The following FMO1 variants were observed in gnomAD, a reference collection of about 807,000 sequenced individuals.
FMO1 encodes flavin-containing monooxygenase 1.
FMO1 carries 36 observed loss-of-function variants against 45.4 expected under a neutral mutation model. That is an observed-to-expected ratio of 0.79 (90% CI 0.61 to 1.05). The LOEUF (loss-of-function observed/expected upper bound fraction) is 1.05. Ranked by LOEUF, FMO1 falls within the 50% of genes least tolerant of loss-of-function variation. The pLI is 0.00. For missense variants in FMO1, 615 were observed against 640.3 expected (o/e 0.96, Z 0.43); for synonymous variants, 228 against 227.2 (o/e 1.00, Z -0.03).
At chr1:171,278,618 TA>T in intron 4 of FMO1, 110 bp from the exon 5 acceptor site, 1 of 834,760 alleles carries the variant, frequency 1.2e-6, no homozygotes, top group Non-Finnish European at 1.8e-6. Flanking sequence ...AGAATACTAG[TA>T]AAAATGACCA....
intron 3 of FMO1, chr1:171,271,154 T>C: frequency 1.1e-6 from 1 of 873,560 alleles, no homozygotes; most frequent in East Asian, 2.4e-5. Context: ...GCAGCCTTCT[T>C]TTCACAAGGC....
chr1:171,281,860 CA>C, intron 6 of FMO1, 117 bp from the exon 7 acceptor site: 1 of 611,034 alleles, frequency 1.6e-6, no homozygotes, highest in Non-Finnish European at 2.9e-6. Context: ...CCAAGACTTG[CA>C]GCAATTCTTG....
chr1:171,273,882 A>G (rs1660979948), intron 3 of FMO1, among the ~76,000 whole-genome samples: 1 of 152,132 alleles, frequency 6.6e-6, no homozygotes, highest in Non-Finnish European at 1.5e-5. Flanking sequence ...AAGTAAACAC[A>G]AGGCCAGGTG....
At chr1:171,262,816 C>G (rs1389434127) in intron 2 of FMO1, among the ~76,000 whole-genome samples, 2 of 152,172 alleles carry the variant, frequency 1.3e-5, no homozygotes, top group Non-Finnish European at 2.9e-5. Flanking sequence ...CAAATTTCCT[C>G]TGAGGTTTCC....
intron 4 of FMO1, among the ~76,000 whole-genome samples, 193 bp from the exon 5 acceptor site, chr1:171,278,536 A>G (rs1320985218): frequency 6.6e-6 from 1 of 152,190 alleles, no homozygotes; most frequent in African/African-American, 2.4e-5. Flanking sequence ...AGTGAGATGG[A>G]GTAATAACCC....
intron 5 of FMO1, 106 bp downstream of exon 5, chr1:171,278,977 A>G: frequency 1.1e-6 from 1 of 870,814 alleles, no homozygotes; most frequent in South Asian, 4.4e-5. Context: ...AATGTCTCAC[A>G]TGCAAACAAC....
At chr1:171,281,092 G>C in intron 6 of FMO1, 107 bp downstream of exon 6, 1 of 838,968 alleles carries the variant, frequency 1.2e-6, no homozygotes, top group Non-Finnish European at 1.9e-6. Flanking sequence ...GAATGTGTGG[G>C]AACACTTGAT....
At chr1:171,273,496 G>T (rs1417723726) in intron 3 of FMO1, among the ~76,000 whole-genome samples, 2 of 151,890 alleles carry the variant, frequency 1.3e-5, no homozygotes, top group East Asian at 3.9e-4. Context: ...ACCACATGCT[G>T]CCCAAGACCT....
At chr1:171,260,396 G>A (rs1660326019) in intron 2 of FMO1, among the ~76,000 whole-genome samples, 1 of 152,170 alleles carries the variant, frequency 6.6e-6, no homozygotes, top group South Asian at 2.1e-4. Flanking sequence ...CAGGAAAAGG[G>A]AGGAGTGGAA....
At chr1:171,266,488 C>T (rs933231313) in intron 2 of FMO1, among the ~76,000 whole-genome samples, 6 of 152,172 alleles carry the variant, frequency 3.9e-5, no homozygotes, top group African/African-American at 1.2e-4. Flanking sequence ...GGGCCACAGA[C>T]AAGCAGGTTG....
chr1:171,284,376 C>T (rs1661529370), intron 8 of FMO1, among the ~76,000 whole-genome samples: 1 of 152,048 alleles, frequency 6.6e-6, no homozygotes, highest in African/African-American at 2.4e-5. Flanking sequence ...CATTATGGAA[C>T]TCCAGTGTAA....
intron 1 of FMO1, among the ~76,000 whole-genome samples, chr1:171,250,073 A>G (rs28384822): frequency 0.016 from 2,512 of 152,310 alleles, 38 homozygotes; most frequent in Middle Eastern, 0.044. Flanking sequence ...ATAACTATTT[A>G]TGTTCTAACA....
At chr1:171,259,520 C>T (rs1045841147) in intron 2 of FMO1, among the ~76,000 whole-genome samples, 1 of 152,224 alleles carries the variant, frequency 6.6e-6, no homozygotes, top group Non-Finnish European at 1.5e-5. Flanking sequence ...CCCTAGGGAG[C>T]CTCAGAATCC....
chr1:171,265,601 G>A (rs1660587006), intron 2 of FMO1, among the ~76,000 whole-genome samples: 1 of 152,010 alleles, frequency 6.6e-6, no homozygotes. Context: ...GGGTACATAG[G>A]CAATTGACAC....
rs753467526 is a variant in FMO1, at chr1:171,283,200, G to A, written c.1240G>A (p.Glu414Lys). The change falls in exon 8 of 9, where the codon GAA (glutamate) becomes AAA (lysine). Residue 414 changes from glutamate (E) to lysine (K), a missense_variant. Physicochemically the swap from Glu to Lys is moderately conservative, Grantham distance 56 (BLOSUM62 1). Transcript: ENST00000617670. ...VMIEEINARK[E>K]NKPSWFGLCY... ...GATAGAGGAAATTAATGCAAGGAAA[G>A]AAAACAAGCCCAGTTGGTAAGTTAA... is the stretch of plus-strand genomic sequence containing the variant. 1.5e-6 allele frequency: 2 copies of A among 1,301,016 alleles called. No individual in the cohort carries two copies. The highest frequency in any genetic ancestry group is 2.0e-6 in the Non-Finnish European group (2 of 993,874). 80.6% of individuals were successfully genotyped at this position (1,301,016 alleles called of 1,614,324 possible).
chr1:171,283,313 A>T lies in FMO1; in HGVS notation c.1256+97A>T, dbSNP rs3765336. The stretch of plus-strand genomic sequence containing the variant: ...AAAAAAAAAAGGAAATGAAAAAGAA[A>T]AAAAAACAATAGCAGAGAGATGAAA... On this transcript the variant is annotated intron_variant, in intron 8 of 8. Transcript: ENST00000617670. 113 of 619,584 alleles carry T rather than the reference A, an allele frequency of 1.8e-4. 3 individuals are homozygous for T. In the East Asian group the frequency reaches 3.7e-3, roughly 20 times the overall value. 38.4% of individuals were successfully genotyped at this position (619,584 alleles called of 1,614,324 possible).
intron 3 of FMO1, among the ~76,000 whole-genome samples, chr1:171,268,945 A>C: frequency 6.6e-6 from 1 of 152,196 alleles, no homozygotes; most frequent in East Asian, 1.9e-4. Context: ...ATAGTGAATA[A>C]GTCTCATGAG....
At chr1:171,261,805 T>C (rs1382177683) in intron 2 of FMO1, among the ~76,000 whole-genome samples, 1 of 152,080 alleles carries the variant, frequency 6.6e-6, no homozygotes, top group Non-Finnish European at 1.5e-5. Flanking sequence ...GACTCTGGCC[T>C]CTCCCAGCTA....
chr1:171,271,392 A>T (rs1183817230), intron 3 of FMO1: 1 of 1,121,444 alleles, frequency 8.9e-7, no homozygotes, highest in African/African-American at 1.5e-5. Flanking sequence ...GGGCCTTGTC[A>T]CCTTTGCCAT....
Sources: allele counts gnomAD v4.1 joint callset (sites outside exome capture counted in the v4.1 genomes callset), GRCh38; gene constraint gnomAD v4.1.1; transcripts MANE v1.5; gene names NCBI Gene and HGNC (gene_info 2026-07-23, HGNC 2026-07-21).